TRIP12: variants seen among roughly 807,000 people sequenced by gnomAD.
The protein encoded by TRIP12 is thyroid hormone receptor interactor 12, also known as E3 ubiquitin-protein ligase TRIP12.
In TRIP12, 25 loss-of-function variants were observed where a neutral mutation model predicts 244.2. The observed-to-expected ratio is 0.10, with a 90% confidence interval of 0.07 to 0.14. The LOEUF (loss-of-function observed/expected upper bound fraction) is 0.14. Among genes scored for constraint, TRIP12 ranks in the 10% least tolerant of loss-of-function variants. The pLI is 1.00. For missense variants in TRIP12, 1,677 were observed against 2,486.4 expected (o/e 0.67, Z 6.92); for synonymous variants, 905 against 873.1 (o/e 1.04, Z -0.64).
intron 15 of TRIP12, among the ~76,000 whole-genome samples, chr2:229,809,887 G>A (rs529067378): frequency 1.3e-5 from 2 of 152,280 alleles, no homozygotes; most frequent in South Asian, 2.1e-4. Flanking sequence ...ATACTATACT[G>A]CTAAATATAC....
chr2:229,863,113 C>G (rs1437492823), intron 2 of TRIP12, among the ~76,000 whole-genome samples: 1 of 151,818 alleles, frequency 6.6e-6, no homozygotes, highest in African/African-American at 2.4e-5. Flanking sequence ...CCTGTAGTCT[C>G]AGCTACTTGG....
intron 4 of TRIP12, among the ~76,000 whole-genome samples, chr2:229,853,363 TA>T (rs1300981869): frequency 3.9e-5 from 6 of 152,118 alleles, no homozygotes; most frequent in Admixed American, 3.9e-4. Context: ...GCCTCTGAAT[TA>T]ACGTTAAAAC....
Position 229,763,991 on chromosome 2 carries a change from G to A in TRIP12, c.*3563C>T, listed in dbSNP as rs1559238078. The A allele has an allele frequency of 6.6e-6, 1 of 152,156 alleles. No individual in the cohort carries two copies. The highest frequency in any genetic ancestry group is 1.5e-5 in the Non-Finnish European group (1 of 68,028). 9.4% of individuals were successfully genotyped at this position (152,156 alleles called of 1,614,324 possible). A position where few individuals can be genotyped will look rare whatever the true frequency, so the allele number is the denominator to read the frequency against. On this transcript the variant is annotated 3_prime_UTR_variant, in exon 42 of 42. Transcript: ENST00000675903. ...AAAAGGAAAAAAATGCTTTACACAG[G>A]AGATCAGCAATTGGTTATAGGTTTG...
intron 4 of TRIP12, among the ~76,000 whole-genome samples, chr2:229,849,711 C>A (rs944269477): frequency 4.0e-5 from 6 of 151,812 alleles, no homozygotes; most frequent in Non-Finnish European, 8.8e-5. Flanking sequence ...AAAAAAAAAT[C>A]TTTCTAAAAA....
At chr2:229,901,450 C>T (rs941591535) in intron 1 of TRIP12, among the ~76,000 whole-genome samples, 6 of 151,010 alleles carry the variant, frequency 4.0e-5, no homozygotes, top group African/African-American at 1.5e-4. Context: ...GTGAAACCCC[C>T]CTCCTCTACT....
chr2:229,783,530 C>G lies in TRIP12; in HGVS notation c.5094+2227G>C, dbSNP rs546796872. On this transcript the variant is annotated intron_variant, in intron 34 of 41. Coordinates refer to ENST00000675903, the MANE Select transcript of TRIP12 (RefSeq NM_001348323.3). Reference sequence around the variant, plus strand: ...ACAACTGAAAATGAAAGAACAGTATCATTTTCAGCTTCATCAAAAAACCAC... The same window carrying G: ...ACAACTGAAAATGAAAGAACAGTATGATTTTCAGCTTCATCAAAAAACCAC... Among the ~76,000 whole-genome samples the G allele has an allele frequency of 9.3e-4, 141 of 152,298 alleles. 1 individual carries two copies. The highest frequency in any genetic ancestry group is 3.2e-3 in the African/African-American group (132 of 41,560).
upstream of TRIP12, chr2:229,922,273 ACCC>A: frequency 1.9e-6 from 1 of 534,354 alleles, no homozygotes; most frequent in Admixed American, 3.2e-5. Context: ...CGCCGGGGTC[ACCC>A]CCTCCCCTCC....
intron 13 of TRIP12, among the ~76,000 whole-genome samples, chr2:229,812,192 G>A (rs2047424181): frequency 6.6e-6 from 1 of 152,026 alleles, no homozygotes; most frequent in African/African-American, 2.4e-5. Flanking sequence ...CCGAGATCAA[G>A]CGATCCTCCT....
At chr2:229,797,630 G>T in intron 24 of TRIP12, 60 bp downstream of exon 24, 1 of 1,588,158 alleles carries the variant, frequency 6.3e-7, no homozygotes, top group African/African-American at 1.3e-5. Context: ...AAGGAAAAGA[G>T]TAGCAGGAGA....
intron 1 of TRIP12, among the ~76,000 whole-genome samples, chr2:229,919,756 A>C (rs2076151903): frequency 6.6e-6 from 1 of 152,222 alleles, no homozygotes; most frequent in South Asian, 2.1e-4. Flanking sequence ...ACAGTTTTCC[A>C]ATTCTTATGG....
At chr2:229,905,917 G>C (rs2072614894) in intron 1 of TRIP12, among the ~76,000 whole-genome samples, 1 of 152,196 alleles carries the variant, frequency 6.6e-6, no homozygotes, top group South Asian at 2.1e-4. Context: ...GTTCACTAAT[G>C]ATGGCCACAA....
At chr2:229,839,572 G>C (rs997691650) in intron 5 of TRIP12, among the ~76,000 whole-genome samples, 4 of 151,980 alleles carry the variant, frequency 2.6e-5, no homozygotes, top group Non-Finnish European at 5.9e-5. Context: ...CCAGCTACTC[G>C]GGAGGCCGAG....
chr2:229,768,688 T>C lies in TRIP12; in HGVS notation c.5935A>G (p.Ser1979Gly). 1 of 1,607,088 alleles carries C rather than the reference T, an allele frequency of 6.2e-7. No individual in the cohort carries two copies. The highest frequency in any genetic ancestry group is 8.5e-7 in the Non-Finnish European group (1 of 1,178,438). ...RAVKFLFEIL[S>G]SFDNEQQRLF... ...CTCTGCTGCTCATTATCAAAACTAC[T>C]GAGAATCTCAAACAAAAACTTCACA... The change falls in exon 41 of 42, where the codon AGT becomes GGT. Residue 1979 changes from serine (S) to glycine (G), a missense_variant. By Grantham distance (56) the Ser-to-Gly change is moderately conservative. Around this residue, in one of 11 missense-constraint regions of TRIP12, gnomAD observed 171 missense variants for 388.4 expected, o/e 0.44. Transcript: ENST00000675903.
intron 5 of TRIP12, 29 bp from the exon 6 acceptor site, chr2:229,837,013 G>T: frequency 6.7e-7 from 1 of 1,494,664 alleles, no homozygotes; most frequent in Non-Finnish European, 8.9e-7. Context: ...ATCATGGGCA[G>T]CATTACCAGT....
At position 229,903,018 on chromosome 2, in the gene TRIP12, C is replaced by CTTTTT. The variant is rs57794819; in HGVS notation, c.-50+18857_-50+18861dup. Among the ~76,000 whole-genome samples, 39 of 104,862 alleles carry CTTTTT rather than the reference C, an allele frequency of 3.7e-4. 6 individuals carry two copies. The highest frequency in any genetic ancestry group is 7.7e-4 in the East Asian group (3 of 3,878). 68.8% of individuals were successfully genotyped at this position (104,862 alleles called of 152,430 possible). ...GGTTTTTTTTTCTTTTTCTTTTTTTCTTTTTTTTTTTTTTTTTTGCCAGAA... is the reference window on the plus strand; with the variant it reads ...GGTTTTTTTTTCTTTTTCTTTTTTTCTTTTTTTTTTTTTTTTTTTTTTTGCCAGAA... On this transcript the variant is annotated intron_variant, in intron 1 of 41. Transcript: ENST00000675903.
Position 229,777,379 on chromosome 2 carries a change from C to T in TRIP12, c.5465G>A (p.Arg1822Lys). The T allele has an allele frequency of 1.2e-6, 2 of 1,613,966 alleles. No homozygotes were observed. The highest frequency in any genetic ancestry group is 1.7e-6 in the Non-Finnish European group (2 of 1,179,868). The change falls in exon 37 of 42, where the codon AGA becomes AAA. Residue 1822 changes from arginine to lysine, a missense_variant. Physicochemically the swap from Arg to Lys is conservative, Grantham distance 26. Coordinates refer to ENST00000675903, the MANE Select transcript of TRIP12 (RefSeq NM_001348323.3). ...AATGTCTTCTAGGTGATAAACTGAT[C>T]TGGCTACAACTGGGTCGATGTCAAA... Reference protein sequence around the residue: ...DLFDIDPVVARSVYHLEDIVR... With the variant: ...DLFDIDPVVAKSVYHLEDIVR...
At chr2:229,866,368 A>G (rs1205008290) in intron 2 of TRIP12, among the ~76,000 whole-genome samples, 1 of 152,230 alleles carries the variant, frequency 6.6e-6, no homozygotes, top group Non-Finnish European at 1.5e-5. Flanking sequence ...CTCCAAATAC[A>G]GATGCACTAT....
intron 1 of TRIP12, among the ~76,000 whole-genome samples, chr2:229,908,933 A>T (rs902277501): frequency 2.6e-5 from 4 of 151,366 alleles, no homozygotes; most frequent in African/African-American, 4.9e-5. Flanking sequence ...TACAAAAAAT[A>T]AAAAAAATTA....
intron 4 of TRIP12, among the ~76,000 whole-genome samples, chr2:229,849,592 G>A (rs960385953): frequency 6.6e-6 from 1 of 152,158 alleles, no homozygotes; most frequent in Non-Finnish European, 1.5e-5. Context: ...GCCAGGCATA[G>A]TGGCTCATGC....
Sources: allele counts gnomAD v4.1 joint callset (sites outside exome capture counted in the v4.1 genomes callset), GRCh38; gene constraint gnomAD v4.1.1; regional missense constraint gnomAD v4.1.1; transcripts MANE v1.5; gene names NCBI Gene and HGNC (gene_info 2026-07-23, HGNC 2026-07-21).